The following TIAM2 variants were observed in gnomAD, a reference collection of about 807,000 sequenced individuals.
TIAM2 encodes rho guanine nucleotide exchange factor TIAM2.
TIAM2 carries 80 observed loss-of-function variants against 152.9 expected under a neutral mutation model. That is an observed-to-expected ratio of 0.52 (90% confidence interval 0.44 to 0.63). The LOEUF is 0.63. Among genes scored for constraint, TIAM2 ranks in the 30% least tolerant of loss-of-function variants. The pLI is 0.00. For synonymous variants in TIAM2, 804 were observed against 838.0 expected (o/e 0.96, Z 0.70); for missense variants, 1,965 against 2,120.1 (o/e 0.93, Z 1.44).
intron 1 of TIAM2, among the ~76,000 whole-genome samples, chr6:155,044,180 A>G (rs952402433): frequency 3.3e-5 from 5 of 152,126 alleles, no homozygotes; most frequent in African/African-American, 1.2e-4. Flanking sequence ...TGAAAGTTTC[A>G]CTGTTTTTCA....
At chr6:155,085,302 A>G (rs1732687803) in intron 1 of TIAM2, among the ~76,000 whole-genome samples, 2 of 152,306 alleles carry the variant, frequency 1.3e-5, no homozygotes, top group African/African-American at 4.8e-5. Flanking sequence ...TTGAGAGAAA[A>G]TTTTTAGTAA....
chr6:155,250,108 T>G, intron 21 of TIAM2, 139 bp downstream of exon 21: 1 of 613,476 alleles, frequency 1.6e-6, no homozygotes, highest in Admixed American at 3.0e-5. Context: ...ATGTGTCTAA[T>G]GAACTACACA....
chr6:155,201,180 G>A (rs1273294004), intron 14 of TIAM2, among the ~76,000 whole-genome samples: 16 of 151,976 alleles, frequency 1.1e-4, no homozygotes, highest in Admixed American at 2.6e-4. Flanking sequence ...ATTCAATTTC[G>A]CCTTCTTTTA....
At chr6:155,018,954 C>T (rs929831027) in intron 1 of TIAM2, among the ~76,000 whole-genome samples, 1 of 148,592 alleles carries the variant, frequency 6.7e-6, no homozygotes, top group African/African-American at 2.5e-5. Context: ...GCAGGAAAAT[C>T]GCTTGAACCT....
chr6:155,208,403 C>T (rs1781642194), intron 14 of TIAM2, among the ~76,000 whole-genome samples: 1 of 152,172 alleles, frequency 6.6e-6, no homozygotes, highest in South Asian at 2.1e-4. Context: ...ATGGTTCTCT[C>T]CTCGGTCCTC....
chr6:155,084,753 A>G (rs1264908918), intron 1 of TIAM2, among the ~76,000 whole-genome samples: 1 of 152,198 alleles, frequency 6.6e-6, no homozygotes, highest in African/African-American at 2.4e-5. Flanking sequence ...TCCCTTTGTC[A>G]TGAATGGCAG....
chr6:155,167,141 T>G (rs566142012), intron 9 of TIAM2, among the ~76,000 whole-genome samples: 1 of 152,288 alleles, frequency 6.6e-6, no homozygotes, highest in Non-Finnish European at 1.5e-5. Context: ...CACAGGAAAC[T>G]TTTCTTATGT....
chr6:155,053,165 A>G (rs920305849), intron 1 of TIAM2, among the ~76,000 whole-genome samples: 4 of 152,228 alleles, frequency 2.6e-5, no homozygotes, highest in Non-Finnish European at 5.9e-5. Flanking sequence ...ATATTTAGAA[A>G]GTTTAGATAG....
At chr6:155,251,786 G>A (rs966517075) in intron 22 of TIAM2, among the ~76,000 whole-genome samples, 159 bp from the exon 23 acceptor site, 3 of 152,204 alleles carry the variant, frequency 2.0e-5, no homozygotes, top group African/African-American at 4.8e-5. Context: ...TCAAATATGA[G>A]CGAAAGGGAA....
At chr6:155,217,954 G>A (rs1212242738) in intron 15 of TIAM2, among the ~76,000 whole-genome samples, 1 of 151,398 alleles carries the variant, frequency 6.6e-6, no homozygotes, top group Non-Finnish European at 1.5e-5. Context: ...GTTTTTTTTT[G>A]TCACATGAAT....
Position 155,180,182 on chromosome 6 carries a change from G to A in TIAM2, c.2707+726G>A, listed in dbSNP as rs555875115. On this transcript the variant is annotated intron_variant, in intron 12 of 26. Transcript: ENST00000682666. ...TAATCCCAGCTACTCGGGAGGCTGA[G>A]GCAGGAGAATCGCTTGAACCTGGGA... Among the ~76,000 whole-genome samples, 57 of 152,306 alleles carry A rather than the reference G, an allele frequency of 3.7e-4. 1 individual carries two copies. The highest frequency in any genetic ancestry group is 3.6e-3 in the Admixed American group (55 of 15,300).
intron 1 of TIAM2, among the ~76,000 whole-genome samples, chr6:154,999,289 C>A (rs758592529): frequency 6.6e-6 from 1 of 152,074 alleles, no homozygotes; most frequent in East Asian, 1.9e-4. Flanking sequence ...CAGCTCACTG[C>A]AACCTCCATC....
chr6:155,074,356 G>GT (rs1159943472), intron 1 of TIAM2, among the ~76,000 whole-genome samples: 3 of 150,678 alleles, frequency 2.0e-5, no homozygotes, highest in African/African-American at 7.4e-5. Context: ...TTTTTTGTTT[G>GT]TTTTTTTGTT....
At chr6:155,102,489 C>T (rs1341927213) in intron 2 of TIAM2, among the ~76,000 whole-genome samples, 3 of 152,198 alleles carry the variant, frequency 2.0e-5, no homozygotes, top group Non-Finnish European at 4.4e-5. Context: ...TGAGATGTTT[C>T]CACTATTCCC....
intron 6 of TIAM2, 104 bp downstream of exon 6, chr6:155,144,882 T>C: frequency 2.2e-6 from 3 of 1,340,584 alleles, no homozygotes; most frequent in Non-Finnish European, 3.0e-6. Flanking sequence ...AAATACTTAG[T>C]TAGGCTTTGG....
chr6:155,010,304 A>G (rs1031856944), intron 1 of TIAM2, among the ~76,000 whole-genome samples: 2 of 152,232 alleles, frequency 1.3e-5, no homozygotes, highest in Non-Finnish European at 2.9e-5. Flanking sequence ...ACAGCTCATA[A>G]AAGATCCACA....
At chr6:155,255,585 CCCTT>C (rs980625544) in intron 26 of TIAM2, 3 of 151,484 alleles carry the variant, frequency 2.0e-5, no homozygotes, top group South Asian at 2.1e-4. Context: ...ACTGAGAACT[CCCTT>C]CCTTCTTTCA....
chr6:155,020,033 C>A (rs1281387667), intron 1 of TIAM2, among the ~76,000 whole-genome samples: 2 of 151,726 alleles, frequency 1.3e-5, no homozygotes, highest in Non-Finnish European at 2.9e-5. Flanking sequence ...AGCCTGGCAA[C>A]AGAGTGATAC....
At chr6:155,157,463 T>G (rs1173840470) in intron 7 of TIAM2, among the ~76,000 whole-genome samples, 2 of 152,006 alleles carry the variant, frequency 1.3e-5, no homozygotes, top group Non-Finnish European at 2.9e-5. Context: ...TTTTTTTTTT[T>G]TAGAATTAAA....
Sources: allele counts gnomAD v4.1 joint callset (sites outside exome capture counted in the v4.1 genomes callset), GRCh38; gene constraint gnomAD v4.1.1; transcripts MANE v1.5; gene names NCBI Gene and HGNC (gene_info 2026-07-23, HGNC 2026-07-21).